NIPBL: variants seen among roughly 807,000 people sequenced by gnomAD.
The protein encoded by NIPBL is NIPBL cohesin loading factor.
In NIPBL, 19 loss-of-function variants were observed where a neutral mutation model predicts 321.8. The ratio of observed to expected loss-of-function variants is 0.06; its 90% CI spans 0.04 to 0.09. The LOEUF (loss-of-function observed/expected upper bound fraction) is 0.09. Ranked by LOEUF, NIPBL falls within the 10% of genes least tolerant of loss-of-function variation. The pLI, the probability that NIPBL is intolerant of heterozygous loss-of-function variation, is 1.00. For missense variants in NIPBL, 2,210 were observed against 3,327.0 expected (o/e 0.66, Z 8.26); for synonymous variants, 1,106 against 1,114.1 (o/e 0.99, Z 0.14).
At position 37,065,649 on chromosome 5, in the gene NIPBL, G is replaced by C. The variant is rs1364244553; in HGVS notation, c.*757G>C. On this transcript the variant is annotated 3_prime_UTR_variant, in exon 47 of 47. Coordinates refer to ENST00000282516, the MANE Select transcript of NIPBL (RefSeq NM_133433.4). ...ATTGTTTATACAGTTTGTATAGGCTGACTTCTGAATAATTGGTATCTATTA... is the reference window on the plus strand; with the variant it reads ...ATTGTTTATACAGTTTGTATAGGCTCACTTCTGAATAATTGGTATCTATTA... The C allele has an allele frequency of 6.6e-6, 1 of 152,570 alleles. No individual in the cohort carries two copies. Among genetic ancestry groups the C allele is most frequent in the Non-Finnish European group, 1.5e-5 (1 of 68,008 alleles). The allele number at this position is 152,570 out of a possible 1,614,324, so 9.5% of individuals were successfully genotyped here.
chr5:37,026,498 C>T (rs1427069438), intron 31 of NIPBL, among the ~76,000 whole-genome samples, 171 bp downstream of exon 31: 1 of 152,112 alleles, frequency 6.6e-6, no homozygotes, highest in Admixed American at 6.5e-5. Flanking sequence ...AGTAACATGT[C>T]GTTGATGCTT....
chr5:37,005,183 C>A (rs187657019), intron 16 of NIPBL, among the ~76,000 whole-genome samples: 75 of 152,256 alleles, frequency 4.9e-4, no homozygotes, highest in African/African-American at 1.8e-3. Context: ...AGATTGGACA[C>A]TTCTGGAATA....
At chr5:37,022,204 T>C in intron 28 of NIPBL, 40 bp from the exon 29 acceptor site, 1 of 1,613,438 alleles carries the variant, frequency 6.2e-7, no homozygotes, top group African/African-American at 1.3e-5. Context: ...ATTCACTCTA[T>C]TTAGGTATAA....
At position 36,931,785 on chromosome 5, in the gene NIPBL, G is replaced by GT. The variant is rs70976266; in HGVS notation, c.-79-21819dup. ...TTTTGAATTCATTCGTATGTCTCTG[G>GT]TTTTTTTTTTTTTTGTTTATTTTTA... is the stretch of plus-strand genomic sequence containing the variant. On this transcript the variant is annotated intron_variant, in intron 1 of 46. Coordinates refer to ENST00000282516, the MANE Select transcript of NIPBL (RefSeq NM_133433.4). 2.3e-3 allele frequency among the ~76,000 whole-genome samples: 319 copies of GT among 138,534 alleles called. 2 individuals are homozygous for GT. Among genetic ancestry groups the GT allele is most frequent in the Middle Eastern group, 0.015 (4 of 268 alleles). 90.9% of individuals were successfully genotyped at this position (138,534 alleles called of 152,430 possible). A position where few individuals can be genotyped will look rare whatever the true frequency, so the allele number is the denominator to read the frequency against.
At chr5:36,933,075 A>G (rs575627668) in intron 1 of NIPBL, among the ~76,000 whole-genome samples, 1 of 152,114 alleles carries the variant, frequency 6.6e-6, no homozygotes, top group South Asian at 2.1e-4. Context: ...ATTTATCACA[A>G]TCTACTTGTA....
At chr5:36,885,337 G>A (rs1263035720) in intron 1 of NIPBL, 6 of 481,314 alleles carry the variant, frequency 1.2e-5, no homozygotes, top group East Asian at 5.4e-5. Context: ...GCTCTGGTTC[G>A]CGGATCTCCG....
At position 36,961,590 on chromosome 5, in the gene NIPBL, T is replaced by G. The variant is rs200829209; in HGVS notation, c.458+7T>G. ...TCTCACATAGCCCCTCCAGGTAATA[T>G]ATGTATATATCGTTTATTAAATATT... On this transcript the variant is annotated splice_region_variant and intron_variant, in intron 5 of 46. Coordinates refer to ENST00000282516, the MANE Select transcript of NIPBL (RefSeq NM_133433.4). The G allele has an allele frequency of 6.9e-7, 1 of 1,456,400 alleles. No individual in the cohort carries two copies. Among genetic ancestry groups the G allele is most frequent in the Non-Finnish European group, 9.6e-7 (1 of 1,036,284 alleles). The allele number at this position is 1,456,400 out of a possible 1,614,324, so 90.2% of individuals were successfully genotyped here. A position where few individuals can be genotyped will look rare whatever the true frequency, so the allele number is the denominator to read the frequency against.
Position 36,900,856 on chromosome 5 carries a change from A to C in NIPBL, c.-80+23678A>C, listed in dbSNP as rs531686849. 2.0e-5 allele frequency among the ~76,000 whole-genome samples: 3 copies of C among 152,110 alleles called. No individual in the cohort carries two copies. The South Asian group carries it at 6.2e-4, about 32-fold the overall frequency. On this transcript the variant is annotated intron_variant, in intron 1 of 46. Transcript: ENST00000282516. ...CCTAGTAAGTTCCTGTTCATTCTTC[A>C]AGTTCCAGCGTAATTCCATCTTTTC...
intron 1 of NIPBL, among the ~76,000 whole-genome samples, chr5:36,934,482 G>A (rs1389307573): frequency 6.6e-6 from 1 of 152,108 alleles, no homozygotes; most frequent in African/African-American, 2.4e-5. Flanking sequence ...ATAGAGGATA[G>A]ATAGATTTTT....
At chr5:36,890,806 G>A (rs1003651237) in intron 1 of NIPBL, among the ~76,000 whole-genome samples, 2 of 152,218 alleles carry the variant, frequency 1.3e-5, no homozygotes, top group Non-Finnish European at 2.9e-5. Context: ...AAAAAGAAAA[G>A]TAATGTCTAG....
intron 27 of NIPBL, 129 bp downstream of exon 27, chr5:37,021,006 T>A: frequency 1.2e-6 from 1 of 820,448 alleles, no homozygotes; most frequent in Admixed American, 1.8e-5. Context: ...GTATTTGTTT[T>A]TAGGTTCTCC....
intron 17 of NIPBL, 55 bp from the exon 18 acceptor site, chr5:37,007,268 A>G (rs1747548319): frequency 6.7e-7 from 1 of 1,482,900 alleles, no homozygotes; most frequent in Non-Finnish European, 9.3e-7. Flanking sequence ...AGTACTGTTT[A>G]TTAAAAATTA....
chr5:37,041,291 G>A (rs1469592648), intron 34 of NIPBL, among the ~76,000 whole-genome samples: 1 of 109,194 alleles, frequency 9.2e-6, no homozygotes, highest in Non-Finnish European at 1.7e-5. Context: ...TGAGACTGAG[G>A]CTCACACTGT....
intron 11 of NIPBL, 72 bp from the exon 12 acceptor site, chr5:37,000,301 C>G (rs898470787): frequency 6.9e-7 from 1 of 1,452,300 alleles, no homozygotes; most frequent in Non-Finnish European, 9.5e-7. Flanking sequence ...CCATGTGATT[C>G]ATTTGTAAAG....
At chr5:36,879,845 A>G (rs891445072) in intron 1 of NIPBL, among the ~76,000 whole-genome samples, 1 of 152,122 alleles carries the variant, frequency 6.6e-6, no homozygotes, top group Non-Finnish European at 1.5e-5. Flanking sequence ...TAATGAAAGT[A>G]AATCAGAGTT....
intron 1 of NIPBL, among the ~76,000 whole-genome samples, chr5:36,922,135 G>A (rs570909072): frequency 3.3e-5 from 5 of 152,020 alleles, no homozygotes; most frequent in South Asian, 2.1e-4. Flanking sequence ...CGATCTGCCC[G>A]CCTCAGCCTC....
chr5:36,978,084 TTTTA>T (rs1743707335), intron 9 of NIPBL, among the ~76,000 whole-genome samples: 1 of 152,052 alleles, frequency 6.6e-6, no homozygotes, highest in South Asian at 2.1e-4. Context: ...CAGGTGTCTT[TTTTA>T]TAAAGTAATT....
At chr5:36,935,027 A>G (rs192669) in intron 1 of NIPBL, among the ~76,000 whole-genome samples, 4,967 of 152,168 alleles carry the variant, frequency 0.033, 261 homozygotes, top group African/African-American at 0.11. Flanking sequence ...CTTAAATTCA[A>G]AGGTCATTTA....
Position 37,045,445 on chromosome 5 carries a change from G to A in NIPBL, c.6346G>A (p.Ala2116Thr). 1 of 1,600,382 alleles carries A rather than the reference G, an allele frequency of 6.2e-7. No individual in the cohort carries two copies. The highest frequency in any genetic ancestry group is 2.2e-5 in the East Asian group (1 of 44,768). Residue 2116 changes from alanine (A) to threonine (T), a missense_variant and splice_region_variant, in exon 37 of 47, where the codon GCC (alanine) becomes ACC (threonine). Around this residue, in one of 14 missense-constraint regions of NIPBL, gnomAD observed 73 missense variants for 222.3 expected, o/e 0.33. Transcript: ENST00000282516. Reference sequence around the variant, plus strand: ...TAAATATTACTTATCTTTATTAGGTGCCATTTCAAAATTAAAAAGTCAACA... The same window carrying A: ...TAAATATTACTTATCTTTATTAGGTACCATTTCAAAATTAAAAAGTCAACA... ...VWACFNRYYG[A>T]ISKLKSQHQE...
Sources: allele counts gnomAD v4.1 joint callset (sites outside exome capture counted in the v4.1 genomes callset), GRCh38; gene constraint gnomAD v4.1.1; regional missense constraint gnomAD v4.1.1; transcripts MANE v1.5; gene names NCBI Gene and HGNC (gene_info 2026-07-23, HGNC 2026-07-21).